Variants in USP28 observed in about 807,000 individuals in gnomAD.
USP28 encodes the protein ubiquitin specific peptidase 28.
A neutral mutation model predicts 145.0 loss-of-function variants in USP28; 113 were observed. The ratio of observed to expected loss-of-function variants is 0.78; its 90% CI spans 0.67 to 0.91. USP28 has a LOEUF of 0.91. Ranked by LOEUF, USP28 falls within the 40% of genes least tolerant of loss-of-function variation. USP28 has a pLI of 0.00. For missense variants in USP28, 1,201 were observed against 1,289.6 expected (o/e 0.93, Z 1.05); for synonymous variants, 447 against 450.9 (o/e 0.99, Z 0.11).
intron 3 of USP28, among the ~76,000 whole-genome samples, chr11:113,842,026 A>G (rs1377997636): frequency 1.3e-5 from 2 of 152,208 alleles, no homozygotes; most frequent in Non-Finnish European, 2.9e-5. Context: ...CACTCCACAA[A>G]GTCAAAAGTA....
At chr11:113,836,398 T>C (rs1226219084) in intron 5 of USP28, among the ~76,000 whole-genome samples, 3 of 152,168 alleles carry the variant, frequency 2.0e-5, no homozygotes, top group African/African-American at 4.8e-5. Context: ...CACTTGCACA[T>C]GGTCTCTCTG....
At chr11:113,853,261 C>T (rs1267593443) in intron 2 of USP28, among the ~76,000 whole-genome samples, 3 of 135,882 alleles carry the variant, frequency 2.2e-5, no homozygotes, top group South Asian at 2.3e-4. Context: ...CACCACTGCA[C>T]TGCAGGCAAG....
chr11:113,824,383 T>C (rs111325377), intron 11 of USP28, among the ~76,000 whole-genome samples: 2 of 151,992 alleles, frequency 1.3e-5, no homozygotes, highest in African/African-American at 4.8e-5. Flanking sequence ...AACGGCGCAA[T>C]CTCGGCTCAC....
chr11:113,840,592 T>C lies in USP28; in HGVS notation c.534+6A>G. On this transcript the variant is annotated splice_donor_region_variant and intron_variant, in intron 5 of 24. Transcript: ENST00000003302. ...AAGACACAGTTATCTCTTAAAAATATCATACCTGAATAACAGCACTAAACC... is the reference window on the plus strand; with the variant it reads ...AAGACACAGTTATCTCTTAAAAATACCATACCTGAATAACAGCACTAAACC... 1.2e-6 allele frequency: 2 copies of C among 1,609,148 alleles called. No individual in the cohort carries two copies. Among genetic ancestry groups the C allele is most frequent in the Non-Finnish European group, 8.5e-7 (1 of 1,178,534 alleles).
At chr11:113,804,230 G>A (rs1939547468) in intron 21 of USP28, among the ~76,000 whole-genome samples, 1 of 152,186 alleles carries the variant, frequency 6.6e-6, no homozygotes, top group East Asian at 1.9e-4. Flanking sequence ...AAATATGGAA[G>A]GACACGGACA....
intron 18 of USP28, among the ~76,000 whole-genome samples, chr11:113,807,628 T>G (rs1321816235): frequency 6.6e-6 from 1 of 152,076 alleles, no homozygotes; most frequent in Non-Finnish European, 1.5e-5. Context: ...AAAAAAAGAT[T>G]CCCTATTTTA....
intron 16 of USP28, 102 bp from the exon 17 acceptor site, chr11:113,809,356 T>TA (rs1332765182): frequency 1.8e-6 from 2 of 1,099,404 alleles, no homozygotes; most frequent in Admixed American, 4.4e-5. Flanking sequence ...TACTCCTAAC[T>TA]AAAAATACAT....
chr11:113,855,098 CTCTG>C (rs1390033059), intron 1 of USP28, among the ~76,000 whole-genome samples: 3 of 150,932 alleles, frequency 2.0e-5, no homozygotes, highest in Non-Finnish European at 4.5e-5. Context: ...ATATTTAAAA[CTCTG>C]TGTTTGACTA....
In USP28 at chr11:113,875,428, G is replaced by A; in HGVS notation, c.57+17C>T. 1 of 1,238,440 alleles carries A rather than the reference G, an allele frequency of 8.1e-7. No individual in the cohort carries two copies. Among genetic ancestry groups the A allele is most frequent in the South Asian group, 2.4e-5 (1 of 42,096 alleles). 76.7% of individuals were successfully genotyped at this position (1,238,440 alleles called of 1,614,324 possible). A position where few individuals can be genotyped will look rare whatever the true frequency, so the allele number is the denominator to read the frequency against. On this transcript the variant is annotated intron_variant, in intron 1 of 24. Coordinates refer to ENST00000003302, the Ensembl canonical transcript of USP28. ...TGGAGCCCGCCCCCAGCTCCCGCTC[G>A]CCGCCGCGGAGCCCACCGAGCCGTG...
At chr11:113,828,334 C>G (rs1488876135) in intron 10 of USP28, among the ~76,000 whole-genome samples, 1 of 152,186 alleles carries the variant, frequency 6.6e-6, no homozygotes, top group African/African-American at 2.4e-5. Flanking sequence ...TGAAGACTCC[C>G]TCTTTTGTAA....
intron 18 of USP28, among the ~76,000 whole-genome samples, chr11:113,807,115 C>G (rs1940121673): frequency 6.6e-6 from 1 of 152,038 alleles, no homozygotes; most frequent in African/African-American, 2.4e-5. Flanking sequence ...CTCTGTCGCC[C>G]AGGCTGGAGT....
intron 1 of USP28, among the ~76,000 whole-genome samples, chr11:113,855,547 T>C (rs1946961829): frequency 6.6e-6 from 1 of 152,202 alleles, no homozygotes; most frequent in Non-Finnish European, 1.5e-5. Context: ...GTATCTTATG[T>C]TCTTCAACAG....
chr11:113,829,089 C>T (rs1565403497), intron 10 of USP28, 108 bp downstream of exon 10: 1 of 1,455,058 alleles, frequency 6.9e-7, no homozygotes, highest in Non-Finnish European at 9.4e-7. Flanking sequence ...TCAAGTTCTG[C>T]TAAGTGTAAA....
At chr11:113,871,904 G>A (rs1391406622) in intron 1 of USP28, among the ~76,000 whole-genome samples, 4 of 152,164 alleles carry the variant, frequency 2.6e-5, no homozygotes, top group Non-Finnish European at 5.9e-5. Context: ...GACCAGGGGC[G>A]CCTTGGGCTC....
rs1267978773 is a variant in USP28, at chr11:113,803,147, A to G, written c.2862+11T>C. The G allele has an allele frequency of 6.2e-7, 1 of 1,606,338 alleles. No individual in the cohort carries two copies. The highest frequency in any genetic ancestry group is 1.4e-5 in the African/African-American group (1 of 73,126). ...ACAAAAAAACCTTAAGGCTTTACAA[A>G]CAGTACAAACCAGAAGGCATTTTCT... is the stretch of plus-strand genomic sequence containing the variant. On this transcript the variant is annotated intron_variant, in intron 23 of 24. Coordinates refer to ENST00000003302, the Ensembl canonical transcript of USP28.
Position 113,841,630 on chromosome 11 carries a change from TG to T in USP28, c.374+32del, listed in dbSNP as rs749869109. 5.5e-6 allele frequency: 8 copies of T among 1,452,962 alleles called. No individual in the cohort carries two copies. In the African/African-American group the frequency reaches 7.1e-5, roughly 13 times the overall value. 90.0% of individuals were successfully genotyped at this position (1,452,962 alleles called of 1,614,324 possible). A position where few individuals can be genotyped will look rare whatever the true frequency, so the allele number is the denominator to read the frequency against. ...GTTGCCTTTGAGATACACACAAATG[TG>T]GGGGGCAAGAATTATAAGTTAAATC... On this transcript the variant is annotated intron_variant, in intron 4 of 24. Coordinates refer to ENST00000003302, the Ensembl canonical transcript of USP28.
intron 1 of USP28, among the ~76,000 whole-genome samples, chr11:113,864,942 T>A (rs1565506271): frequency 2.0e-5 from 3 of 152,104 alleles, no homozygotes; most frequent in Admixed American, 1.3e-4. Context: ...GCTCAAGCGA[T>A]CCTCCCTCCT....
intron 1 of USP28, among the ~76,000 whole-genome samples, chr11:113,865,131 G>A (rs1014129300): frequency 1.3e-5 from 2 of 152,124 alleles, no homozygotes; most frequent in African/African-American, 4.8e-5. Flanking sequence ...GAGGCACTGC[G>A]TCTGGCCACG....
intron 1 of USP28, among the ~76,000 whole-genome samples, chr11:113,861,442 TAA>T (rs2136834161): frequency 6.6e-6 from 1 of 152,338 alleles, no homozygotes; most frequent in Admixed American, 6.5e-5. Context: ...TTAACTGGCT[TAA>T]AGTTTTTAAA....
Sources: allele counts gnomAD v4.1 joint callset (sites outside exome capture counted in the v4.1 genomes callset), GRCh38; gene constraint gnomAD v4.1.1; transcripts MANE v1.5; gene names NCBI Gene and HGNC (gene_info 2026-07-23, HGNC 2026-07-21).